Variants in C16orf95 observed in about 807,000 individuals in gnomAD.
C16orf95 encodes the protein chromosome 16 open reading frame 95, also known as uncharacterized protein C16orf95.
Under a neutral mutation model 32.1 loss-of-function variants are expected in C16orf95, and 41 were observed. The observed-to-expected ratio is 1.28, with a 90% CI of 1.00 to 1.66. The LOEUF (loss-of-function observed/expected upper bound fraction) is 1.66. Among genes scored for constraint, C16orf95 ranks in the 40% most tolerant of loss-of-function variants. The pLI is 0.00. For missense variants in C16orf95, 399 were observed against 325.9 expected, an observed-to-expected ratio of 1.22 and a Z score of -1.73; for synonymous variants, 147 against 128.9, an observed-to-expected ratio of 1.14 and a Z score of -0.95.
At chr16:87,311,960 C>A (rs765415182) in intron 3 of C16orf95, among the ~76,000 whole-genome samples, 6 of 152,308 alleles carry the variant, frequency 3.9e-5, no homozygotes, top group South Asian at 2.1e-4. Context: ...GGAATAAACT[C>A]TGAGACAGGC....
chr16:87,306,385 T>G (rs1016709241), intron 5 of C16orf95, among the ~76,000 whole-genome samples: 1 of 152,190 alleles, frequency 6.6e-6, no homozygotes, highest in Non-Finnish European at 1.5e-5. Context: ...ATTTCCTTGA[T>G]GCTCTTCGGC....
chr16:87,306,305 G>T lies in C16orf95; in HGVS notation c.515-400C>A, dbSNP rs74038418. Among the ~76,000 whole-genome samples the T allele has an allele frequency of 6.5e-3, 990 of 152,202 alleles. 15 individuals are homozygous for T. The highest frequency in any genetic ancestry group is 0.023 in the African/African-American group (954 of 41,518). On this transcript the variant is annotated intron_variant, in intron 5 of 6. Coordinates refer to ENST00000567970, the MANE Select transcript of C16orf95 (RefSeq NM_001195124.3). ...GATTTAAGCCAATCTCCACTTCGGG[G>T]TATATTTGAAATTTTCCATAACAAA...
chr16:87,313,026 C>A (rs527724646), intron 3 of C16orf95, among the ~76,000 whole-genome samples: 29 of 151,690 alleles, frequency 1.9e-4, no homozygotes, highest in African/African-American at 6.5e-4. Context: ...TAGAGAAAAC[C>A]TAAATAAACA....
chr16:87,314,910 A>G (rs1904306114), intron 3 of C16orf95, 61 bp downstream of exon 3: 1 of 1,424,252 alleles, frequency 7.0e-7, no homozygotes, highest in Middle Eastern at 1.8e-4. Context: ...CTGAGGGGTG[A>G]CTGGTCAACT....
chr16:87,312,415 A>T (rs1276832924), intron 3 of C16orf95, among the ~76,000 whole-genome samples: 1 of 152,078 alleles, frequency 6.6e-6, no homozygotes, highest in African/African-American at 2.4e-5. Flanking sequence ...CTAAAAATAC[A>T]AAAATTAGCC....
intron 3 of C16orf95, among the ~76,000 whole-genome samples, chr16:87,313,516 T>C (rs2150654706): frequency 6.6e-6 from 1 of 152,246 alleles, no homozygotes; most frequent in South Asian, 2.1e-4. Flanking sequence ...GGTGGGTCAC[T>C]TGAGTCCAGG....
chr16:87,309,766 T>C (rs1911197956), intron 5 of C16orf95, among the ~76,000 whole-genome samples: 1 of 152,194 alleles, frequency 6.6e-6, no homozygotes, highest in Admixed American at 6.5e-5. Context: ...TGTGAGTATA[T>C]ACTATGTCTA....
At chr16:87,309,805 G>C (rs545484553) in intron 5 of C16orf95, among the ~76,000 whole-genome samples, 68 of 152,088 alleles carry the variant, frequency 4.5e-4, no homozygotes, top group African/African-American at 1.4e-3. Context: ...ACATACACTA[G>C]GTCACAAATA....
At chr16:87,304,022 T>C (rs1389052157) in intron 6 of C16orf95, among the ~76,000 whole-genome samples, 1 of 152,186 alleles carries the variant, frequency 6.6e-6, no homozygotes, top group African/African-American at 2.4e-5. Flanking sequence ...TAAAATTGTT[T>C]CTTAAATTTC....
chr16:87,307,342 A>C (rs1911073515), intron 5 of C16orf95, among the ~76,000 whole-genome samples: 1 of 152,260 alleles, frequency 6.6e-6, no homozygotes, highest in Non-Finnish European at 1.5e-5. Context: ...GCAGGAATAC[A>C]CATATGTGCC....
At position 87,314,970 on chromosome 16, in the gene C16orf95, C is replaced by A. The variant is rs1048794524; in HGVS notation, c.330+1G>T. 4 of 1,535,904 alleles carry A rather than the reference C, an allele frequency of 2.6e-6. No individual in the cohort carries two copies. The highest frequency in any genetic ancestry group is 3.5e-6 in the Non-Finnish European group (4 of 1,146,782). ...AAGACCTCCTGGTTCAAGTCACCTACCTGCTTTCGGGGTCTCAGGGACAGA... is the reference window on the plus strand; with the variant it reads ...AAGACCTCCTGGTTCAAGTCACCTAACTGCTTTCGGGGTCTCAGGGACAGA... On this transcript the variant is annotated splice_donor_variant, in intron 3 of 6. Coordinates refer to ENST00000567970, the MANE Select transcript of C16orf95 (RefSeq NM_001195124.3). LOFTEE classifies it high-confidence loss of function.
Position 87,317,283 on chromosome 16 carries a change from G to A in C16orf95, c.-41C>T. ...TGACGCGCCCTTTCACACACACATC[G>A]TCCGCAGGCCCTGACGCCCTGGCTC... On this transcript the variant is annotated 5_prime_UTR_variant, in exon 1 of 7. In the 5' UTR this introduces an upstream ATG that the reference lacks. Transcript: ENST00000567970. The A allele has an allele frequency of 1.4e-6, 2 of 1,475,056 alleles. No homozygotes were observed. The highest frequency in any genetic ancestry group is 1.8e-6 in the Non-Finnish European group (2 of 1,112,508). The allele number at this position is 1,475,056 out of a possible 1,614,324, so 91.4% of individuals were successfully genotyped here. A position where few individuals can be genotyped will look rare whatever the true frequency, so the allele number is the denominator to read the frequency against.
intron 5 of C16orf95, among the ~76,000 whole-genome samples, chr16:87,309,566 T>C (rs1911188185): frequency 6.6e-6 from 1 of 151,930 alleles, no homozygotes; most frequent in Admixed American, 6.6e-5. Context: ...TGTATTTTAG[T>C]AGAGACAAGG....
intron 6 of C16orf95, 69 bp from the exon 7 acceptor site, chr16:87,303,144 C>G: frequency 6.7e-7 from 1 of 1,492,870 alleles, no homozygotes; most frequent in Non-Finnish European, 9.0e-7. Flanking sequence ...TCAGCGCGTG[C>G]CCTTGGGAAA....
At chr16:87,316,920 T>C (rs1294515351) in intron 1 of C16orf95, among the ~76,000 whole-genome samples, 171 bp downstream of exon 1, 1 of 152,186 alleles carries the variant, frequency 6.6e-6, no homozygotes, top group Non-Finnish European at 1.5e-5. Flanking sequence ...ACTTCTGACA[T>C]TTTCAGTTAT....
At chr16:87,309,412 C>T in intron 5 of C16orf95, among the ~76,000 whole-genome samples, 1 of 99,228 alleles carries the variant, frequency 1.0e-5, no homozygotes, top group Admixed American at 1.6e-4. Flanking sequence ...TAGACAGAGT[C>T]TCACTCTGTT....
chr16:87,309,721 T>G (rs1911195361), intron 5 of C16orf95, among the ~76,000 whole-genome samples: 1 of 152,134 alleles, frequency 6.6e-6, no homozygotes, highest in Non-Finnish European at 1.5e-5. Flanking sequence ...TCAAGGCCCC[T>G]CACATGAATA....
At chr16:87,307,722 C>T (rs1433281846) in intron 5 of C16orf95, among the ~76,000 whole-genome samples, 3 of 152,160 alleles carry the variant, frequency 2.0e-5, no homozygotes, top group African/African-American at 7.2e-5. Context: ...CACGTCATTG[C>T]ACTCCAGCCT....
At chr16:87,315,866 G>A (rs1309345243) in intron 1 of C16orf95, 43 bp from the exon 2 acceptor site, 1 of 1,468,534 alleles carries the variant, frequency 6.8e-7, no homozygotes, top group Non-Finnish European at 9.1e-7. Flanking sequence ...GTGTAAACTA[G>A]GGGGCAGGGA....
Sources: gnomAD v4.1 joint callset for allele counts (sites outside exome capture counted in the v4.1 genomes callset) on GRCh38, gnomAD v4.1.1 for gene constraint, MANE v1.5 for transcripts, NCBI Gene and HGNC (gene_info 2026-07-23, HGNC 2026-07-21) for gene names.